The following RTTN variants were observed in gnomAD, a reference collection of about 807,000 sequenced individuals.
The protein encoded by RTTN is rotatin.
A neutral mutation model predicts 269.2 loss-of-function variants in RTTN; 182 were observed. The observed-to-expected ratio is 0.68, with a 90% CI of 0.60 to 0.76. The LOEUF (loss-of-function observed/expected upper bound fraction) is 0.76, where lower values mean the gene tolerates loss of function less well. Among genes scored for constraint, RTTN ranks in the 30% least tolerant of loss-of-function variants. RTTN has a pLI of 0.00. For missense variants in RTTN, 2,545 were observed against 2,608.6 expected, an observed-to-expected ratio of 0.98 and a Z score of 0.53; for synonymous variants, 1,006 against 963.5, an observed-to-expected ratio of 1.04 and a Z score of -0.82.
rs147149253 is a variant in RTTN at position 70,192,565 on chromosome 18, C to A, written c.1007+723G>T. Among the ~76,000 whole-genome samples the A allele has an allele frequency of 3.2e-3, 489 of 151,658 alleles. 1 individual carries two copies. Among genetic ancestry groups the A allele is most frequent in the African/African-American group, 0.011 (461 of 41,262 alleles). On this transcript the variant is annotated intron_variant, in intron 8 of 48. Transcript: ENST00000640769. ...GTATGGTAGTGCACATCTGTGGTCC[C>A]AGCCACTCAGGAGGCTGAGGCGAAA... is the stretch of plus-strand genomic sequence containing the variant.
intron 18 of RTTN, among the ~76,000 whole-genome samples, chr18:70,142,961 G>T (rs1271410838): frequency 2.0e-5 from 3 of 152,176 alleles, no homozygotes; most frequent in Non-Finnish European, 2.9e-5. Context: ...GGAGGCGGAG[G>T]CGGCAGTGAT....
Position 70,030,868 on chromosome 18 carries a change from T to C in RTTN, c.5647+8A>G. The stretch of plus-strand genomic sequence containing the variant: ...CCATCAAAACAGCTGATGTGTCATG[T>C]GGCTCACCTTTCAAAGCATGTTTCT... On this transcript the variant is annotated splice_region_variant and intron_variant, in intron 41 of 48. Coordinates refer to ENST00000640769, the MANE Select transcript of RTTN (RefSeq NM_173630.4). 6.2e-7 allele frequency: 1 copy of C among 1,600,916 alleles called. No individual in the cohort carries two copies. Among genetic ancestry groups the C allele is most frequent in the South Asian group, 1.1e-5 (1 of 89,594 alleles).
At chr18:70,036,544 T>C (rs1287844641) in intron 40 of RTTN, among the ~76,000 whole-genome samples, 1 of 152,024 alleles carries the variant, frequency 6.6e-6, no homozygotes, top group Non-Finnish European at 1.5e-5. Flanking sequence ...GGCCTACCAG[T>C]GGGTGAAGGG....
rs563162356 is a variant in RTTN, at chr18:70,082,224, A to G, written c.4374+4389T>C. On this transcript the variant is annotated intron_variant, in intron 32 of 48. Coordinates refer to ENST00000640769, the MANE Select transcript of RTTN (RefSeq NM_173630.4). ...ATTACCCTTTACATTTAAATGTGAGATCATTTTCAAGTGGAAAGAACTGAA... is the reference window on the plus strand; with the variant it reads ...ATTACCCTTTACATTTAAATGTGAGGTCATTTTCAAGTGGAAAGAACTGAA... 1.5e-4 allele frequency among the ~76,000 whole-genome samples: 23 copies of G among 152,288 alleles called. No individual in the cohort carries two copies. The East Asian group carries it at 4.2e-3, about 28-fold the overall frequency.
At chr18:70,130,125 A>T (rs900702067) in intron 23 of RTTN, 1 of 152,068 alleles carries the variant, frequency 6.6e-6, no homozygotes, top group Non-Finnish European at 1.5e-5. Context: ...ACAAAAAAAA[A>T]TAACAGATGC....
At chr18:70,184,709 TTTTTTTTTGTGTGTGTGTGTGTG>T (rs1357363041) in intron 10 of RTTN, among the ~76,000 whole-genome samples, 21 of 59,274 alleles carry the variant, frequency 3.5e-4, no homozygotes, top group African/African-American at 1.6e-3. Flanking sequence ...GCAGGTTTTT[TTTTTTTTTGTGTGTGTGTGTGTG>T]TGTGTGTGTG....
At chr18:70,163,896 G>T (rs2060914237) in intron 14 of RTTN, among the ~76,000 whole-genome samples, 2 of 152,098 alleles carry the variant, frequency 1.3e-5, no homozygotes, top group African/African-American at 4.8e-5. Context: ...AAAAAGGAAT[G>T]AAATGTTGAT....
chr18:70,038,916 G>A (rs774724611), intron 40 of RTTN, among the ~76,000 whole-genome samples: 1 of 152,136 alleles, frequency 6.6e-6, no homozygotes, highest in South Asian at 2.1e-4. Flanking sequence ...AAATTCTGGA[G>A]TTTAAAAATT....
intron 14 of RTTN, among the ~76,000 whole-genome samples, chr18:70,152,797 T>C (rs775338007): frequency 3.3e-5 from 5 of 152,178 alleles, no homozygotes; most frequent in Non-Finnish European, 5.9e-5. Context: ...GCTACTACAA[T>C]GAAACTGGTC....
At chr18:70,066,707 T>C (rs2058145474) in intron 34 of RTTN, among the ~76,000 whole-genome samples, 1 of 152,168 alleles carries the variant, frequency 6.6e-6, no homozygotes, top group African/African-American at 2.4e-5. Context: ...ACATTAGCTA[T>C]CCATAGAAGT....
At chr18:70,148,688 G>C (rs2060459092) in intron 17 of RTTN, among the ~76,000 whole-genome samples, 1 of 152,158 alleles carries the variant, frequency 6.6e-6, no homozygotes, top group Non-Finnish European at 1.5e-5. Flanking sequence ...GGCTGATCTG[G>C]CAAGGAATAA....
intron 46 of RTTN, among the ~76,000 whole-genome samples, chr18:70,013,522 A>G (rs776486571): frequency 2.0e-5 from 3 of 150,764 alleles, no homozygotes; most frequent in Admixed American, 6.6e-5. Flanking sequence ...CATATAACAA[A>G]GCAATAAAAC....
chr18:70,196,913 TGA>T (rs760802128), intron 6 of RTTN, among the ~76,000 whole-genome samples: 12 of 152,234 alleles, frequency 7.9e-5, no homozygotes, highest in Non-Finnish European at 1.6e-4. Context: ...GTAACCATTC[TGA>T]GAGAAGACAG....
intron 10 of RTTN, among the ~76,000 whole-genome samples, chr18:70,177,819 T>C (rs1322786477): frequency 6.6e-6 from 1 of 152,166 alleles, no homozygotes; most frequent in Non-Finnish European, 1.5e-5. Flanking sequence ...AATGGAAGCC[T>C]TGTGCATTGC....
intron 40 of RTTN, among the ~76,000 whole-genome samples, chr18:70,047,383 T>C (rs934122708): frequency 6.6e-6 from 1 of 152,228 alleles, no homozygotes; most frequent in African/African-American, 2.4e-5. Flanking sequence ...CATCTACTTA[T>C]AAAATAATAC....
intron 28 of RTTN, 91 bp downstream of exon 28, chr18:70,109,407 A>T: frequency 1.1e-6 from 1 of 876,856 alleles, no homozygotes; most frequent in Non-Finnish European, 1.9e-6. Flanking sequence ...AATATTCTAC[A>T]TTGAATAGAG....
intron 23 of RTTN, among the ~76,000 whole-genome samples, chr18:70,133,810 C>A (rs960632684): frequency 1.3e-5 from 2 of 152,058 alleles, no homozygotes; most frequent in Non-Finnish European, 2.9e-5. Context: ...CAGAAAAATT[C>A]AAGGGCTGTA....
intron 32 of RTTN, among the ~76,000 whole-genome samples, chr18:70,085,635 A>C (rs2058681252): frequency 6.6e-6 from 1 of 152,176 alleles, no homozygotes; most frequent in Non-Finnish European, 1.5e-5. Flanking sequence ...TATCCCCAAT[A>C]AGTGTACTTT....
At chr18:70,176,232 T>C (rs183196815) in intron 11 of RTTN, among the ~76,000 whole-genome samples, 2 of 151,478 alleles carry the variant, frequency 1.3e-5, no homozygotes. Context: ...TATATGTATA[T>C]GTATATGTAT....
Sources: gnomAD v4.1 joint callset for allele counts (sites outside exome capture counted in the v4.1 genomes callset) on GRCh38, gnomAD v4.1.1 for gene constraint, MANE v1.5 for transcripts, NCBI Gene and HGNC (gene_info 2026-07-23, HGNC 2026-07-21) for gene names.